Variants in ALG1L2 observed in about 807,000 individuals in gnomAD.
The protein encoded by ALG1L2 is putative glycosyltransferase ALG1L2.
Under a neutral mutation model 29.0 loss-of-function variants are expected in ALG1L2, and 32 were observed. The ratio of observed to expected loss-of-function variants is 1.10; its 90% CI spans 0.83 to 1.48. ALG1L2 has a LOEUF of 1.48. Ranked by LOEUF, ALG1L2 falls within the 40% of genes most tolerant of loss-of-function variation. The probability of loss-of-function intolerance (pLI) is 0.00; values close to 1 mark genes in which losing one functional copy is unlikely to be tolerated. For missense variants in ALG1L2, 318 were observed against 274.1 expected (o/e 1.16, Z -1.13); for synonymous variants, 110 against 109.5 (o/e 1.00, Z -0.03).
At chr3:130,094,032 G>A in intron 4 of ALG1L2, 1 of 280,988 alleles carries the variant, frequency 3.6e-6, no homozygotes, top group Non-Finnish European at 7.0e-6. Flanking sequence ...TGGAACCTGC[G>A]CCCTGTGGTT....
chr3:130,092,338 G>T, intron 3 of ALG1L2, 116 bp downstream of exon 3: 1 of 1,597,664 alleles, frequency 6.3e-7, no homozygotes, highest in Non-Finnish European at 8.5e-7. Flanking sequence ...TCAGTGAGAA[G>T]GGGAGGGCGT....
intron 2 of ALG1L2, 78 bp from the exon 3 acceptor site, chr3:130,092,023 C>T (rs1935026448): frequency 4.4e-6 from 7 of 1,583,788 alleles, no homozygotes; most frequent in Non-Finnish European, 6.0e-6. Context: ...CTGCAGGCCT[C>T]ACCATGGCAG....
intron 5 of ALG1L2, 81 bp from the exon 6 acceptor site, chr3:130,095,968 G>A (rs1368684774): frequency 4.2e-6 from 6 of 1,443,764 alleles, no homozygotes; most frequent in Non-Finnish European, 5.7e-6. Context: ...CCCCTCGGGG[G>A]GTGTTGCCTC....
At position 130,097,244 on chromosome 3, in the gene ALG1L2, G is replaced by T; in HGVS notation, c.609G>T (p.Gln203His). ...AGGACTCAGAGGAACTGGCAGCTCA[G>T]CTGCAGGTAGCCATGTCTGCCACCA... ...VFEDSEELAA[Q>H]LQYFADAFLK... is the part of the protein sequence containing the mutation. Residue 203 changes from glutamine to histidine, a missense_variant, in exon 7 of 8, where the codon CAG becomes CAT. Gln to His is a conservative substitution (Grantham distance 24). Coordinates refer to ENST00000425059, the MANE Select transcript of ALG1L2 (RefSeq NM_001136152.1). 1 of 1,608,030 alleles carries T rather than the reference G, an allele frequency of 6.2e-7. No individual in the cohort carries two copies. Among genetic ancestry groups the T allele is most frequent in the Non-Finnish European group, 8.5e-7 (1 of 1,179,714 alleles).
At chr3:130,084,289 TTC>T (rs779004167) in intron 1 of ALG1L2, among the ~76,000 whole-genome samples, 2 of 86,010 alleles carry the variant, frequency 2.3e-5, no homozygotes, top group African/African-American at 4.5e-5. Context: ...GAGACCCCAT[TTC>T]CCCCCCTCAA....
chr3:130,096,187 T>G (rs768610650), intron 6 of ALG1L2, 24 bp downstream of exon 6: 4 of 1,609,646 alleles, frequency 2.5e-6, no homozygotes, highest in Admixed American at 1.7e-5. Flanking sequence ...CCGAATTTTT[T>G]CTGGGGATAG....
intron 1 of ALG1L2, among the ~76,000 whole-genome samples, chr3:130,083,208 G>C (rs1198616122): frequency 6.9e-6 from 1 of 144,268 alleles, no homozygotes; most frequent in African/African-American, 2.4e-5. Context: ...CATTTTGGGG[G>C]GCCGAGGTGG....
At chr3:130,094,093 C>T in intron 4 of ALG1L2, 1 of 419,562 alleles carries the variant, frequency 2.4e-6, no homozygotes. Flanking sequence ...GTGCACAACA[C>T]AGACAGAAGG....
rs1214209402 is a variant in ALG1L2, at chr3:130,098,306, A to G, written c.*51A>G. ...CGGAAGAACCTGCGGGAGTCGCAGC[A>G]GCTCTGATGGGATGAGAGCTGGGTG... On this transcript the variant is annotated 3_prime_UTR_variant, in exon 8 of 8. Transcript: ENST00000425059. 6.3e-7 allele frequency: 1 copy of G among 1,596,318 alleles called. No homozygotes were observed. The highest frequency in any genetic ancestry group is 1.3e-5 in the African/African-American group (1 of 74,854).
chr3:130,090,027 A>C (rs193116126), intron 1 of ALG1L2, among the ~76,000 whole-genome samples: 2 of 148,354 alleles, frequency 1.3e-5, no homozygotes, highest in African/African-American at 5.0e-5. Context: ...GGGGGACAAA[A>C]GTGAAAAATC....
rs1191220016 is a variant in ALG1L2, at chr3:130,098,328, G to C, written c.*73G>C. 32 of 1,596,398 alleles carry C rather than the reference G, an allele frequency of 2.0e-5. No individual in the cohort carries two copies. Among genetic ancestry groups the C allele is most frequent in the Non-Finnish European group, 2.6e-5 (31 of 1,179,736 alleles). ...AGCAGCTCTGATGGGATGAGAGCTGGGTGCAGACTGTGCTCCCTTTGGTTA... is the reference window on the plus strand; with the variant it reads ...AGCAGCTCTGATGGGATGAGAGCTGCGTGCAGACTGTGCTCCCTTTGGTTA... On this transcript the variant is annotated 3_prime_UTR_variant, in exon 8 of 8. Transcript: ENST00000425059.
At position 130,091,263 on chromosome 3, in the gene ALG1L2, CTG is replaced by C. The variant is rs1935005958; in HGVS notation, c.26_27del (p.Val9AspfsTer11). ...GCCCTGCCATGATTTCATTGCAGGG[CTG>C]TGACCGTCTACGACAAGCCGGCATC... On this transcript the variant is annotated frameshift_variant, in exon 2 of 8. Transcript: ENST00000425059. LOFTEE classifies it high-confidence loss of function. 1 of 1,598,918 alleles carries C rather than the reference CTG, an allele frequency of 6.3e-7. No homozygotes were observed. Among genetic ancestry groups the C allele is most frequent in the African/African-American group, 1.3e-5 (1 of 74,852 alleles).
At chr3:130,092,032 A>G (rs1935026644) in intron 2 of ALG1L2, 69 bp from the exon 3 acceptor site, 3 of 1,590,420 alleles carry the variant, frequency 1.9e-6, no homozygotes, top group Non-Finnish European at 2.6e-6. Context: ...TCACCATGGC[A>G]GGAGATGCCC....
At chr3:130,091,789 C>T (rs1296984123) in intron 2 of ALG1L2, 10 of 619,944 alleles carry the variant, frequency 1.6e-5, no homozygotes, top group South Asian at 3.0e-5. Context: ...TGAGGTGTGC[C>T]CCTGGGTAAG....
At chr3:130,092,250 G>T in intron 3 of ALG1L2, 28 bp downstream of exon 3, 5 of 1,602,700 alleles carry the variant, frequency 3.1e-6, no homozygotes, top group Non-Finnish European at 4.3e-6. Context: ...GGCACTTGGG[G>T]TTGGTGTGAA....
At chr3:130,090,690 CTAA>C (rs1409970486) in intron 1 of ALG1L2, 1 of 154,472 alleles carries the variant, frequency 6.5e-6, no homozygotes, top group African/African-American at 2.4e-5. Context: ...TGCATAAACG[CTAA>C]TAACTTACCT....
At chr3:130,097,580 C>T (rs1370787288) in intron 7 of ALG1L2, among the ~76,000 whole-genome samples, 2 of 152,190 alleles carry the variant, frequency 1.3e-5, no homozygotes, top group Admixed American at 1.3e-4. Context: ...CTTCTGGGAC[C>T]AGCCTTGAAA....
intron 4 of ALG1L2, 38 bp downstream of exon 4, chr3:130,093,198 G>A: frequency 6.2e-7 from 1 of 1,600,024 alleles, no homozygotes; most frequent in Non-Finnish European, 8.6e-7. Context: ...TTGGTTGGGG[G>A]ATGGTGGAGG....
intron 1 of ALG1L2, chr3:130,090,768 CA>C (rs1934998768): frequency 1.9e-5 from 3 of 160,784 alleles, no homozygotes; most frequent in African/African-American, 7.2e-5. Flanking sequence ...AGACTCTCAT[CA>C]AAGAGCCTCT....
Sources: gnomAD v4.1 joint callset for allele counts (sites outside exome capture counted in the v4.1 genomes callset) on GRCh38, gnomAD v4.1.1 for gene constraint, MANE v1.5 for transcripts, NCBI Gene and HGNC (gene_info 2026-07-23, HGNC 2026-07-21) for gene names.